The following CORIN variants were observed in gnomAD, a reference collection of about 807,000 sequenced individuals.
CORIN encodes the protein corin, serine peptidase, also known as atrial natriuretic peptide-converting enzyme.
Under a neutral mutation model 125.3 loss-of-function variants are expected in CORIN, and 117 were observed. That is an observed-to-expected ratio of 0.93 (90% CI 0.80 to 1.09). The LOEUF is 1.09. Ranked by LOEUF, CORIN falls within the 50% of genes least tolerant of loss-of-function variation. The pLI, the probability that CORIN is intolerant of heterozygous loss-of-function variation, is 0.00. For synonymous variants in CORIN, 450 were observed against 466.4 expected (o/e 0.96, Z 0.45); for missense variants, 1,253 against 1,306.7 (o/e 0.96, Z 0.63).
At chr4:47,743,841 T>C (rs1457674192) in intron 5 of CORIN, among the ~76,000 whole-genome samples, 15 of 151,248 alleles carry the variant, frequency 9.9e-5, no homozygotes, top group Non-Finnish European at 2.1e-4. Context: ...GCTGAGATCA[T>C]GCCACTGCAC....
chr4:47,758,303 A>G (rs1180759880), intron 4 of CORIN, among the ~76,000 whole-genome samples: 2 of 152,194 alleles, frequency 1.3e-5, no homozygotes, highest in African/African-American at 4.8e-5. Flanking sequence ...CTCTACACAA[A>G]TAACTATAAA....
Position 47,788,903 on chromosome 4 carries a change from T to C in CORIN, c.209-1978A>G, listed in dbSNP as rs114723415. ...TTAGTTCCTTCTCATATAAAATATTTGAACACTTGTTCCTAACTTTTTGGT... is the reference window on the plus strand; with the variant it reads ...TTAGTTCCTTCTCATATAAAATATTCGAACACTTGTTCCTAACTTTTTGGT... On this transcript the variant is annotated intron_variant, in intron 2 of 21. Transcript: ENST00000273857. Among the ~76,000 whole-genome samples, 528 of 152,360 alleles carry C rather than the reference T, an allele frequency of 3.5e-3. 3 individuals are homozygous for C. Among genetic ancestry groups the C allele is most frequent in the Non-Finnish European group, 5.8e-3 (397 of 68,036 alleles).
At chr4:47,785,522 T>G (rs958193329) in intron 3 of CORIN, among the ~76,000 whole-genome samples, 3 of 152,282 alleles carry the variant, frequency 2.0e-5, no homozygotes, top group African/African-American at 7.2e-5. Flanking sequence ...GTGTGATTTT[T>G]TTTTTTGTCA....
intron 5 of CORIN, among the ~76,000 whole-genome samples, chr4:47,702,105 CACTT>C (rs886165300): frequency 2.0e-5 from 3 of 152,074 alleles, no homozygotes; most frequent in African/African-American, 4.8e-5. Flanking sequence ...AGGAAATAAA[CACTT>C]AGTTTCTTTA....
intron 13 of CORIN, among the ~76,000 whole-genome samples, chr4:47,649,641 G>A (rs1723655044): frequency 6.6e-6 from 1 of 152,174 alleles, no homozygotes; most frequent in Non-Finnish European, 1.5e-5. Context: ...CAGCCTCTAA[G>A]GCTAAGTAAG....
chr4:47,603,880 TG>T (rs967443426), intron 19 of CORIN, among the ~76,000 whole-genome samples: 4 of 152,214 alleles, frequency 2.6e-5, no homozygotes, highest in Admixed American at 2.0e-4. Context: ...GATTCCTGAA[TG>T]GGGCTAGTCT....
At chr4:47,676,587 C>T (rs1159572291) in intron 9 of CORIN, among the ~76,000 whole-genome samples, 4 of 152,154 alleles carry the variant, frequency 2.6e-5, no homozygotes, top group African/African-American at 9.7e-5. Flanking sequence ...GCTCCATCAG[C>T]GGTTTTGCTT....
At chr4:47,674,199 T>A (rs903002765) in intron 10 of CORIN, among the ~76,000 whole-genome samples, 194 bp downstream of exon 10, 1 of 152,200 alleles carries the variant, frequency 6.6e-6, no homozygotes, top group African/African-American at 2.4e-5. Context: ...ATGACACATT[T>A]GTTTCTGATT....
intron 21 of CORIN, among the ~76,000 whole-genome samples, chr4:47,596,307 CCA>C (rs1361747172): frequency 6.6e-6 from 1 of 151,948 alleles, no homozygotes; most frequent in Non-Finnish European, 1.5e-5. Flanking sequence ...AAGATCCCCC[CCA>C]CACACAGTAC....
intron 1 of CORIN, among the ~76,000 whole-genome samples, chr4:47,820,746 G>A (rs191430156): frequency 1.6e-4 from 25 of 152,166 alleles, no homozygotes; most frequent in Middle Eastern, 3.4e-3. Context: ...TGTGCTAAGA[G>A]GTAGAAATAG....
In CORIN at chr4:47,680,149, A is replaced by G; in HGVS notation, c.1124T>C (p.Val375Ala). The change falls in exon 8 of 22, where the codon GTC (valine) becomes GCC (alanine). Residue 375 changes from valine (V) to alanine (A), a missense_variant. Transcript: ENST00000273857. ...DHDCVDKSDE[V>A]NCSCHSQGLV... ...GTCCTCAGAGCACTCACAGCAGTTG[A>G]CCTCGTCAGACTTATCCACACAGTC... 1 of 1,609,790 alleles carries G rather than the reference A, an allele frequency of 6.2e-7. No homozygotes were observed. Among genetic ancestry groups the G allele is most frequent in the Non-Finnish European group, 8.5e-7 (1 of 1,176,036 alleles).
chr4:47,706,887 G>T (rs577738640), intron 5 of CORIN: 2 of 1,599,102 alleles, frequency 1.3e-6, no homozygotes, highest in Non-Finnish European at 1.7e-6. Context: ...CGAAAGAGCC[G>T]TGGCCTTGGA....
chr4:47,663,555 A>T (rs1329568397), intron 11 of CORIN, among the ~76,000 whole-genome samples: 1 of 152,168 alleles, frequency 6.6e-6, no homozygotes, highest in African/African-American at 2.4e-5. Flanking sequence ...ACACTTCAGG[A>T]TCATCCTTGG....
chr4:47,630,603 C>A (rs1161093433), intron 16 of CORIN, among the ~76,000 whole-genome samples: 1 of 152,134 alleles, frequency 6.6e-6, no homozygotes, highest in African/African-American at 2.4e-5. Flanking sequence ...GCAGCTAGGG[C>A]AAGAGTACCA....
chr4:47,819,596 G>A (rs1577950804), intron 1 of CORIN, among the ~76,000 whole-genome samples: 1 of 152,074 alleles, frequency 6.6e-6, no homozygotes, highest in Non-Finnish European at 1.5e-5. Context: ...GAGACATGAA[G>A]GGAATCAGAG....
intron 4 of CORIN, among the ~76,000 whole-genome samples, chr4:47,750,736 T>C (rs1022536806): frequency 6.6e-6 from 1 of 152,148 alleles, no homozygotes; most frequent in African/African-American, 2.4e-5. Context: ...CCAAACTGTC[T>C]ATTCTCCCAC....
intron 3 of CORIN, among the ~76,000 whole-genome samples, chr4:47,766,683 C>T (rs539825782): frequency 1.6e-4 from 25 of 152,208 alleles, no homozygotes; most frequent in African/African-American, 5.5e-4. Context: ...CAGTGGCTCA[C>T]ACCTGTAATC....
At chr4:47,787,521 A>C (rs1730874300) in intron 2 of CORIN, among the ~76,000 whole-genome samples, 1 of 152,140 alleles carries the variant, frequency 6.6e-6, no homozygotes, top group Non-Finnish European at 1.5e-5. Flanking sequence ...ACCAAAAAAA[A>C]AAAAACCTCT....
intron 7 of CORIN, chr4:47,680,697 T>C (rs13111339): frequency 0.46 from 72,762 of 158,448 alleles, 18,814 homozygotes; most frequent in Non-Finnish European, 0.59. Context: ...GTCTGGCAAA[T>C]TGGGAAGGCA....
Sources: gnomAD v4.1 joint callset for allele counts (sites outside exome capture counted in the v4.1 genomes callset) on GRCh38, gnomAD v4.1.1 for gene constraint, MANE v1.5 for transcripts, NCBI Gene and HGNC (gene_info 2026-07-23, HGNC 2026-07-21) for gene names.